The following RGS6 variants were observed in gnomAD, a reference collection of about 807,000 sequenced individuals.
RGS6 encodes the protein regulator of G protein signaling 6, also known as regulator of G-protein signaling 6.
In RGS6, 30 loss-of-function variants were observed where a neutral mutation model predicts 78.5. That is an observed-to-expected ratio of 0.38 (90% CI 0.29 to 0.52). The LOEUF is 0.52. RGS6 is among the 20% of genes least tolerant of loss of function. RGS6 has a pLI of 0.85. For synonymous variants in RGS6, 206 were observed against 206.0 expected, an observed-to-expected ratio of 1.00 and a Z score of 0.00; for missense variants, 495 against 609.7, an observed-to-expected ratio of 0.81 and a Z score of 1.98.
At chr14:72,296,271 A>G (rs1364345382) in intron 2 of RGS6, among the ~76,000 whole-genome samples, 5 of 152,204 alleles carry the variant, frequency 3.3e-5, no homozygotes, top group African/African-American at 9.6e-5. Flanking sequence ...GTTTATGGAC[A>G]CTTGGAATGT....
intron 17 of RGS6, chr14:72,540,351 T>G: frequency 6.9e-7 from 1 of 1,456,996 alleles, no homozygotes. Flanking sequence ...CCTGGGCATT[T>G]GATCATCTGT....
chr14:72,066,785 G>A (rs1006608875), intron 2 of RGS6, among the ~76,000 whole-genome samples: 4 of 151,042 alleles, frequency 2.6e-5, no homozygotes, highest in Non-Finnish European at 4.4e-5. Flanking sequence ...TTCTTCTCCC[G>A]GTGTTCTTAT....
Position 72,417,165 on chromosome 14 carries a change from C to T in RGS6, c.185-37363C>T, listed in dbSNP as rs145963810. On this transcript the variant is annotated intron_variant, in intron 3 of 17. Coordinates refer to ENST00000553525, the MANE Select transcript of RGS6 (RefSeq NM_001204424.2). Reference sequence around the variant, plus strand: ...GCCGCCAGCGTTCTGGTTTCTTCAGCGCTCCCTGCCAGCTGAGCTGTGTGA... The same window carrying T: ...GCCGCCAGCGTTCTGGTTTCTTCAGTGCTCCCTGCCAGCTGAGCTGTGTGA... Among the ~76,000 whole-genome samples, 791 of 152,294 alleles carry T rather than the reference C, an allele frequency of 5.2e-3. 3 individuals carry two copies. The highest frequency in any genetic ancestry group is 0.018 in the African/African-American group (729 of 41,566).
At chr14:72,250,326 C>A (rs1000147272) in intron 2 of RGS6, among the ~76,000 whole-genome samples, 1 of 148,468 alleles carries the variant, frequency 6.7e-6, no homozygotes, top group African/African-American at 2.5e-5. Flanking sequence ...TTCCTAGAAG[C>A]CTTCTTCCTT....
chr14:72,005,439 C>CTCTATCTATCTATCTA (rs148163713), intron 2 of RGS6, among the ~76,000 whole-genome samples: 49,665 of 143,378 alleles, frequency 0.35, 8,468 homozygotes, highest in Non-Finnish European at 0.37. Flanking sequence ...ACCTGCATAT[C>CTCTATCTATCTATCTA]TCTATCTATC....
At chr14:72,296,102 G>C (rs1208614902) in intron 2 of RGS6, among the ~76,000 whole-genome samples, 1 of 152,066 alleles carries the variant, frequency 6.6e-6, no homozygotes, top group Non-Finnish European at 1.5e-5. Flanking sequence ...TGTATAAATG[G>C]AATCATACCA....
chr14:71,971,594 C>G (rs1279051376), intron 2 of RGS6, among the ~76,000 whole-genome samples: 1 of 152,180 alleles, frequency 6.6e-6, no homozygotes, highest in Non-Finnish European at 1.5e-5. Flanking sequence ...TCTCAAAACT[C>G]AATGGCTTGA....
chr14:72,538,205 T>C (rs2097274953), intron 16 of RGS6, among the ~76,000 whole-genome samples: 2 of 152,196 alleles, frequency 1.3e-5, no homozygotes, highest in Non-Finnish European at 2.9e-5. Flanking sequence ...AGAGTATTCT[T>C]CTGATTTCAG....
intron 2 of RGS6, among the ~76,000 whole-genome samples, chr14:72,159,709 G>A (rs2096826430): frequency 6.6e-6 from 1 of 151,660 alleles, no homozygotes; most frequent in Non-Finnish European, 1.5e-5. Flanking sequence ...TTTTTCCTAT[G>A]GCTCCTAATG....
chr14:72,124,384 C>T (rs2096135527), intron 2 of RGS6, among the ~76,000 whole-genome samples: 1 of 152,092 alleles, frequency 6.6e-6, no homozygotes, highest in Non-Finnish European at 1.5e-5. Flanking sequence ...TAATAACGAA[C>T]ACAATACACA....
At chr14:72,158,998 T>C (rs944542578) in intron 2 of RGS6, among the ~76,000 whole-genome samples, 2 of 152,348 alleles carry the variant, frequency 1.3e-5, no homozygotes, top group South Asian at 2.1e-4. Flanking sequence ...CATGATTCTT[T>C]AGAAGGTGAA....
chr14:72,283,611 C>T (rs2061962414), intron 2 of RGS6, among the ~76,000 whole-genome samples: 1 of 152,174 alleles, frequency 6.6e-6, no homozygotes, highest in African/African-American at 2.4e-5. Context: ...AGGCACCCCA[C>T]CCCCAGCCAT....
chr14:72,599,575 A>ATTTTTTTT, the RGS6 span, among the ~76,000 whole-genome samples: 67 of 103,176 alleles, frequency 6.5e-4, no homozygotes, highest in African/African-American at 1.7e-3. Flanking sequence ...CGCCTGGCTA[A>ATTTTTTTT]TTTTTTTTTT....
At position 72,472,954 on chromosome 14, in the gene RGS6, G is replaced by A. The variant is rs2096125666; in HGVS notation, c.618+1G>A. 1 of 1,594,864 alleles carries A rather than the reference G, an allele frequency of 6.3e-7. No homozygotes were observed. The highest frequency in any genetic ancestry group is 1.8e-5 in the Admixed American group (1 of 55,642). On this transcript the variant is annotated splice_donor_variant, in intron 9 of 17. Coordinates refer to ENST00000553525, the MANE Select transcript of RGS6 (RefSeq NM_001204424.2). LOFTEE classifies it high-confidence loss of function. ...CTTTTGGGATGTCCACAGGCCTGTGGTGAGAAAGCGCTACTCAATTCTCTA... is the reference window on the plus strand; with the variant it reads ...CTTTTGGGATGTCCACAGGCCTGTGATGAGAAAGCGCTACTCAATTCTCTA...
At chr14:72,530,925 C>T (rs930722107) in intron 15 of RGS6, among the ~76,000 whole-genome samples, 1 of 152,194 alleles carries the variant, frequency 6.6e-6, no homozygotes, top group African/African-American at 2.4e-5. Context: ...TTCCAACCGG[C>T]ATTTCAGTGA....
chr14:72,190,683 GGA>G (rs1405521574), intron 2 of RGS6, among the ~76,000 whole-genome samples: 1 of 152,244 alleles, frequency 6.6e-6, no homozygotes, highest in Non-Finnish European at 1.5e-5. Context: ...AGTATGTAGA[GGA>G]GAATCTAGGA....
intron 3 of RGS6, among the ~76,000 whole-genome samples, chr14:72,388,577 C>T (rs1037423304): frequency 6.6e-6 from 1 of 152,150 alleles, no homozygotes; most frequent in Non-Finnish European, 1.5e-5. Context: ...AGGCAGGCAG[C>T]TCTTCTGGAC....
chr14:72,070,681 C>T (rs2094376448), intron 2 of RGS6, among the ~76,000 whole-genome samples: 1 of 152,188 alleles, frequency 6.6e-6, no homozygotes. Context: ...TAAATTGATG[C>T]AGGCACTCAG....
intron 7 of RGS6, among the ~76,000 whole-genome samples, chr14:72,467,828 C>G (rs2095962538): frequency 3.3e-5 from 5 of 152,176 alleles, no homozygotes; most frequent in Admixed American, 3.3e-4. Flanking sequence ...GCCCAGCAAT[C>G]ACAGCACCCC....
Sources: gnomAD v4.1 joint callset for allele counts (sites outside exome capture counted in the v4.1 genomes callset) on GRCh38, gnomAD v4.1.1 for gene constraint, MANE v1.5 for transcripts, NCBI Gene and HGNC (gene_info 2026-07-23, HGNC 2026-07-21) for gene names.